ANKS1B: variants seen among roughly 807,000 people sequenced by gnomAD.
The protein encoded by ANKS1B is ankyrin repeat and sterile alpha motif domain-containing protein 1B.
Under a neutral mutation model 148.3 loss-of-function variants are expected in ANKS1B, and 36 were observed. That is an observed-to-expected ratio of 0.24 (90% CI 0.19 to 0.32). ANKS1B has a LOEUF of 0.32. ANKS1B is among the 10% of genes least tolerant of loss of function. The pLI is 1.00. For missense variants in ANKS1B, 1,157 were observed against 1,542.6 expected (o/e 0.75, Z 4.19); for synonymous variants, 542 against 560.8 (o/e 0.97, Z 0.47).
chr12:99,800,779 C>A (rs2066852349), intron 4 of ANKS1B, among the ~76,000 whole-genome samples: 1 of 151,996 alleles, frequency 6.6e-6, no homozygotes, highest in South Asian at 2.1e-4. Flanking sequence ...TAGATATGTC[C>A]AGTAGGGAAT....
chr12:98,968,958 G>A (rs1025412379), intron 17 of ANKS1B, among the ~76,000 whole-genome samples: 2 of 152,166 alleles, frequency 1.3e-5, no homozygotes, highest in African/African-American at 4.8e-5. Context: ...CTTGCACTAA[G>A]TTTTCAGTAC....
chr12:99,579,389 C>T (rs900880951), intron 9 of ANKS1B, among the ~76,000 whole-genome samples: 1 of 151,944 alleles, frequency 6.6e-6, no homozygotes, highest in Non-Finnish European at 1.5e-5. Flanking sequence ...CAGCCAAAGA[C>T]ACTATTCAAC....
intron 4 of ANKS1B, among the ~76,000 whole-genome samples, chr12:99,791,529 T>G (rs2065652873): frequency 6.6e-6 from 1 of 152,004 alleles, no homozygotes; most frequent in South Asian, 2.1e-4. Context: ...TTTTTAAACA[T>G]TTTTTAAAAA....
intron 14 of ANKS1B, among the ~76,000 whole-genome samples, chr12:99,239,879 T>C (rs1469565707): frequency 2.0e-5 from 3 of 152,172 alleles, no homozygotes; most frequent in Non-Finnish European, 4.4e-5. Context: ...AGAGATTTTG[T>C]CACCACCAGG....
At chr12:99,061,276 T>A (rs1223468466) in intron 16 of ANKS1B, among the ~76,000 whole-genome samples, 3 of 152,202 alleles carry the variant, frequency 2.0e-5, no homozygotes, top group Non-Finnish European at 1.5e-5. Flanking sequence ...TTCCTCTTTT[T>A]TCTTCATCTT....
At chr12:99,770,678 T>TAA (rs796505295) in intron 8 of ANKS1B, among the ~76,000 whole-genome samples, 1 of 148,656 alleles carries the variant, frequency 6.7e-6, no homozygotes, top group Non-Finnish European at 1.5e-5. Flanking sequence ...TCTCATTTCT[T>TAA]AAAAAAAAAA....
chr12:99,563,081 T>C (rs1411525348), intron 9 of ANKS1B, among the ~76,000 whole-genome samples: 1 of 152,202 alleles, frequency 6.6e-6, no homozygotes, highest in African/African-American at 2.4e-5. Flanking sequence ...AGCCTTGTTC[T>C]TTATTAGCTT....
At position 99,168,345 on chromosome 12, in the gene ANKS1B, C is replaced by T. The variant is rs189831240; in HGVS notation, c.2420-13950G>A. ...CAGCCTGGCCAACACAGTGAAACCC[C>T]GTCTCTATTAAAAATACAAAAAAAT... On this transcript the variant is annotated intron_variant, in intron 14 of 26. Coordinates refer to ENST00000683438, the MANE Select transcript of ANKS1B (RefSeq NM_001352186.2). 1.4e-3 allele frequency among the ~76,000 whole-genome samples: 213 copies of T among 152,020 alleles called. 2 individuals are homozygous for T. Among genetic ancestry groups the T allele is most frequent in the African/African-American group, 5.0e-3 (206 of 41,462 alleles).
At chr12:98,869,195 A>G (rs552957791) in intron 17 of ANKS1B, among the ~76,000 whole-genome samples, 2 of 152,338 alleles carry the variant, frequency 1.3e-5, no homozygotes, top group African/African-American at 2.4e-5. Flanking sequence ...TATTTTCACC[A>G]TTAATTATAC....
intron 17 of ANKS1B, among the ~76,000 whole-genome samples, chr12:99,014,352 CACGATATACAAAA>C (rs1404038941): frequency 1.9e-4 from 29 of 152,114 alleles, no homozygotes; most frequent in African/African-American, 6.3e-4. Flanking sequence ...CCCTTCCTTA[CACGATATACAAAA>C]ACTAACTCAA....
chr12:99,448,840 T>C (rs1162882814), intron 10 of ANKS1B, among the ~76,000 whole-genome samples: 5 of 152,046 alleles, frequency 3.3e-5, no homozygotes, highest in Non-Finnish European at 7.4e-5. Flanking sequence ...GGACAGACTA[T>C]AGGAGGAGCA....
rs183494666 is a variant in ANKS1B, at chr12:98,865,652, T to G, written c.2779-33516A>C. On this transcript the variant is annotated intron_variant, in intron 17 of 26. Transcript: ENST00000683438. ...TGATAAGAATCGACGTGTGTGTTGG[T>G]GGGGAGGTGGAGTGTGCAGTGTTAA... Among the ~76,000 whole-genome samples the G allele has an allele frequency of 2.6e-5, 4 of 151,964 alleles. No homozygotes were observed. In the East Asian group the frequency reaches 5.8e-4, roughly 22 times the overall value.
intron 25 of ANKS1B, among the ~76,000 whole-genome samples, chr12:98,762,619 T>C (rs533478049): frequency 6.6e-6 from 1 of 152,350 alleles, no homozygotes; most frequent in South Asian, 2.1e-4. Flanking sequence ...CTTTGCCTGG[T>C]GAGTTACTGC....
intron 17 of ANKS1B, among the ~76,000 whole-genome samples, chr12:99,003,459 T>C (rs1392391183): frequency 1.3e-5 from 2 of 152,238 alleles, no homozygotes; most frequent in Non-Finnish European, 2.9e-5. Context: ...TTGCAATCCA[T>C]GAACCAGGAT....
In ANKS1B at chr12:99,776,358, C is replaced by T. The variant is rs57220557; in HGVS notation, c.848-697G>A. 3.9e-3 allele frequency among the ~76,000 whole-genome samples: 599 copies of T among 152,182 alleles called. 5 individuals are homozygous for T. Among genetic ancestry groups the T allele is most frequent in the African/African-American group, 0.014 (567 of 41,522 alleles). On this transcript the variant is annotated intron_variant, in intron 6 of 26. Coordinates refer to ENST00000683438, the MANE Select transcript of ANKS1B (RefSeq NM_001352186.2). The stretch of plus-strand genomic sequence containing the variant: ...TTTGTATAAATTAACTCATGTAATC[C>T]TTACAAAACTATGACACATGCACTA...
intron 17 of ANKS1B, among the ~76,000 whole-genome samples, chr12:98,881,735 C>T (rs768769486): frequency 1.1e-4 from 17 of 152,168 alleles, no homozygotes; most frequent in Non-Finnish European, 2.1e-4. Context: ...ACAAAAATGC[C>T]ATATTCAACA....
rs953417146 is a variant in ANKS1B, at chr12:99,261,293, T to C, written c.1757-14429A>G. Among the ~76,000 whole-genome samples, 17 of 152,254 alleles carry C rather than the reference T, an allele frequency of 1.1e-4. No homozygotes were observed. The South Asian group carries it at 1.7e-3, about 15-fold the overall frequency. On this transcript the variant is annotated intron_variant, in intron 12 of 26. Coordinates refer to ENST00000683438, the MANE Select transcript of ANKS1B (RefSeq NM_001352186.2). The stretch of plus-strand genomic sequence containing the variant: ...TTATCACCTCTTGGATGAAACACTT[T>C]CATTAACTCCCAAGGTACCACACTC...
At chr12:98,775,110 G>C (rs1194901895) in intron 24 of ANKS1B, among the ~76,000 whole-genome samples, 12 of 152,178 alleles carry the variant, frequency 7.9e-5, no homozygotes, top group Admixed American at 7.9e-4. Context: ...GCCCTGGGAA[G>C]CCTGGGTGGA....
chr12:99,089,727 A>G (rs2053405477), intron 15 of ANKS1B, among the ~76,000 whole-genome samples: 1 of 152,212 alleles, frequency 6.6e-6, no homozygotes, highest in Admixed American at 6.5e-5. Context: ...TCAGTCACCA[A>G]AAGAAATTAG....
Sources: allele counts gnomAD v4.1 joint callset (sites outside exome capture counted in the v4.1 genomes callset), GRCh38; gene constraint gnomAD v4.1.1; transcripts MANE v1.5; gene names NCBI Gene and HGNC (gene_info 2026-07-23, HGNC 2026-07-21).